PYY: variants seen among roughly 807,000 people sequenced by gnomAD.
PYY encodes peptide YY, also known as peptide tyrosine tyrosine.
A neutral mutation model predicts 10.3 loss-of-function variants in PYY; 12 were observed. That is an observed-to-expected ratio of 1.17 (90% CI 0.75 to 1.89). The LOEUF (loss-of-function observed/expected upper bound fraction) is 1.89, where lower values mean the gene tolerates loss of function less well. PYY is among the 40% of genes most tolerant of loss of function. The pLI, the probability that PYY is intolerant of heterozygous loss-of-function variation, is 0.00. For synonymous variants in PYY, 66 were observed against 62.0 expected, an observed-to-expected ratio of 1.06 and a Z score of -0.30; for missense variants, 141 against 134.0, an observed-to-expected ratio of 1.05 and a Z score of -0.26.
intron 1 of PYY, among the ~76,000 whole-genome samples, chr17:43,983,861 G>A (rs1380651142): frequency 6.6e-6 from 1 of 152,202 alleles, no homozygotes; most frequent in African/African-American, 2.4e-5. Flanking sequence ...CTCCCCAGGC[G>A]CGCGCAGGGG....
intron 1 of PYY, among the ~76,000 whole-genome samples, chr17:43,981,698 C>T (rs2048884790): frequency 6.6e-6 from 1 of 152,128 alleles, no homozygotes. Context: ...CCATGTTGGC[C>T]AGGTTGGTCT....
At chr17:43,975,335 G>A (rs1478646596) in intron 1 of PYY, among the ~76,000 whole-genome samples, 1 of 152,076 alleles carries the variant, frequency 6.6e-6, no homozygotes, top group Non-Finnish European at 1.5e-5. Context: ...GTGACTTTGA[G>A]AGAGTTTGCT....
At chr17:43,963,283 G>A (rs1031725831) in intron 2 of PYY, among the ~76,000 whole-genome samples, 7 of 151,970 alleles carry the variant, frequency 4.6e-5, no homozygotes, top group Admixed American at 1.3e-4. Flanking sequence ...TGAGGCAGGC[G>A]GATCACTTGA....
At chr17:43,958,174 G>C (rs1360995769), upstream of PYY, 1 of 69,438 alleles carries the variant, frequency 1.4e-5, no homozygotes, top group Non-Finnish European at 3.3e-5. Context: ...GCATGGTAGT[G>C]CTTCAGTAAA....
intron 1 of PYY, among the ~76,000 whole-genome samples, chr17:43,999,918 A>G (rs1430984092): frequency 6.6e-6 from 1 of 152,240 alleles, no homozygotes; most frequent in Non-Finnish European, 1.5e-5. Flanking sequence ...GCACCACGAC[A>G]GGAACTGGCT....
At chr17:43,998,663 C>T (rs1380678606) in intron 1 of PYY, among the ~76,000 whole-genome samples, 1 of 152,100 alleles carries the variant, frequency 6.6e-6, no homozygotes, top group Non-Finnish European at 1.5e-5. Flanking sequence ...CTCCCTGGCT[C>T]AAGAGATCCT....
At chr17:43,985,363 ACC>A (rs1567935064) in intron 1 of PYY, among the ~76,000 whole-genome samples, 1 of 152,198 alleles carries the variant, frequency 6.6e-6, no homozygotes, top group East Asian at 1.9e-4. Flanking sequence ...GGTGCATACC[ACC>A]CCACCCAGCT....
rs1402369852 is a variant in PYY at position 43,987,075 on chromosome 17, A to G, written c.-463+17316T>C. On this transcript the variant is annotated intron_variant, in intron 1 of 6. Transcript: ENST00000360085. The surrounding 1 kb of genome is among the most constrained non-coding windows in gnomAD (Gnocchi z 4.0). ...TGGCCTCATGAAGCCAGATGCTAACACATTCCTCGGGCCCCTGTGTCCACC... is the reference window on the plus strand; with the variant it reads ...TGGCCTCATGAAGCCAGATGCTAACGCATTCCTCGGGCCCCTGTGTCCACC... 6.6e-6 allele frequency among the ~76,000 whole-genome samples: 1 copy of G among 152,058 alleles called. No homozygotes were observed. Among genetic ancestry groups the G allele is most frequent in the Admixed American group, 6.6e-5 (1 of 15,266 alleles).
chr17:43,976,129 GTATACATATATGTATA>G (rs1291508848), intron 1 of PYY, among the ~76,000 whole-genome samples: 1 of 114,680 alleles, frequency 8.7e-6, no homozygotes, highest in Non-Finnish European at 1.7e-5. Context: ...ACGTATATAT[GTATACATATATGTATA>G]TATACATATG....
intron 1 of PYY, among the ~76,000 whole-genome samples, chr17:43,997,471 T>C (rs956140082): frequency 6.6e-6 from 1 of 152,120 alleles, no homozygotes; most frequent in Non-Finnish European, 1.5e-5. Context: ...GTACCTGACA[T>C]GCTTAAGCTA....
chr17:43,985,053 G>A (rs1309674179), intron 1 of PYY, among the ~76,000 whole-genome samples: 1 of 152,032 alleles, frequency 6.6e-6, no homozygotes, highest in Non-Finnish European at 1.5e-5. Flanking sequence ...ATAGTTCTCT[G>A]TATAATAAAA....
At chr17:43,994,823 T>C (rs2048980559) in intron 1 of PYY, among the ~76,000 whole-genome samples, 3 of 152,284 alleles carry the variant, frequency 2.0e-5, no homozygotes, top group East Asian at 1.9e-4. Flanking sequence ...GACAGAGCCC[T>C]GCCTGGGCCC....
At chr17:43,999,716 T>C (rs1049578718) in intron 1 of PYY, among the ~76,000 whole-genome samples, 10 of 149,878 alleles carry the variant, frequency 6.7e-5, no homozygotes, top group Non-Finnish European at 1.5e-4. Context: ...TGCAGTGAGC[T>C]GAGATCACGC....
chr17:44,001,127 A>G (rs1291212020), intron 1 of PYY, among the ~76,000 whole-genome samples: 5 of 152,082 alleles, frequency 3.3e-5, no homozygotes, highest in Non-Finnish European at 4.4e-5. Context: ...GTGATGTGGT[A>G]CTGTCAAATG....
chr17:43,980,987 T>A (rs1349249988), intron 1 of PYY, among the ~76,000 whole-genome samples: 1 of 152,160 alleles, frequency 6.6e-6, no homozygotes, highest in Non-Finnish European at 1.5e-5. Context: ...TACGAGCATT[T>A]CTTTTTTAAG....
chr17:43,977,801 T>C (rs1684668), intron 1 of PYY, among the ~76,000 whole-genome samples: 125,953 of 152,070 alleles, frequency 0.83, 52,521 homozygotes, highest in East Asian at 1. Flanking sequence ...CTAAAACCAC[T>C]GCTGAGATGG....
chr17:43,965,850 T>C (rs1260871166), intron 2 of PYY, among the ~76,000 whole-genome samples: 6 of 146,978 alleles, frequency 4.1e-5, no homozygotes, highest in Admixed American at 3.4e-4. Context: ...TATTTTTTTC[T>C]AGCCATTGTA....
At chr17:43,981,876 T>C (rs1357966425) in intron 1 of PYY, among the ~76,000 whole-genome samples, 1 of 147,064 alleles carries the variant, frequency 6.8e-6, no homozygotes, top group Non-Finnish European at 1.5e-5. Flanking sequence ...ATTGTCCACC[T>C]TTTCTTTTTA....
intron 1 of PYY, among the ~76,000 whole-genome samples, chr17:44,003,373 AG>A (rs2049043637): frequency 6.6e-6 from 1 of 152,092 alleles, no homozygotes; most frequent in African/African-American, 2.4e-5. Context: ...AAGGTTAAAG[AG>A]GGCCGGGCGT....
Sources: allele counts gnomAD v4.1 joint callset (sites outside exome capture counted in the v4.1 genomes callset), GRCh38; gene constraint gnomAD v4.1.1; non-coding constraint Gnocchi (gnomAD v3.1); transcripts MANE v1.5; gene names NCBI Gene and HGNC (gene_info 2026-07-23, HGNC 2026-07-21).